Variants in CCDC171 observed in about 807,000 individuals in gnomAD.
CCDC171 encodes coiled-coil domain-containing protein 171.
In CCDC171, 177 loss-of-function variants were observed where a neutral mutation model predicts 168.2. The ratio of observed to expected loss-of-function variants is 1.05; its 90% CI spans 0.93 to 1.19. The LOEUF is 1.19. Ranked by LOEUF, CCDC171 falls within the 50% of genes most tolerant of loss-of-function variation. CCDC171 has a pLI of 0.00. For synonymous variants in CCDC171, 687 were observed against 540.8 expected, an observed-to-expected ratio of 1.27 and a Z score of -3.75; for missense variants, 1,991 against 1,539.0, an observed-to-expected ratio of 1.29 and a Z score of -4.91.
chr9:15,684,369 T>C (rs975535879), intron 10 of CCDC171, among the ~76,000 whole-genome samples: 5 of 152,094 alleles, frequency 3.3e-5, no homozygotes, highest in African/African-American at 9.7e-5. Context: ...AAAGGCTTTT[T>C]TTAAACCTGT....
chr9:16,054,273 G>T (rs1833797985), intron 1 of CCDC171, among the ~76,000 whole-genome samples: 1 of 152,170 alleles, frequency 6.6e-6, no homozygotes, highest in South Asian at 2.1e-4. Context: ...CTAATTAGTA[G>T]GGGGAAAGAT....
At chr9:15,693,675 A>G (rs1268819632) in intron 10 of CCDC171, among the ~76,000 whole-genome samples, 1 of 152,242 alleles carries the variant, frequency 6.6e-6, no homozygotes, top group Non-Finnish European at 1.5e-5. Context: ...GTAAACAAAC[A>G]TCAATTAATT....
intron 6 of CCDC171, among the ~76,000 whole-genome samples, chr9:15,609,445 T>C (rs2043490174): frequency 1.3e-5 from 2 of 152,182 alleles, no homozygotes; most frequent in African/African-American, 4.8e-5. Context: ...TTTATCAGTA[T>C]ATTTTTTTAT....
intron 24 of CCDC171, among the ~76,000 whole-genome samples, chr9:15,902,774 C>A (rs1200160888): frequency 6.6e-6 from 1 of 152,186 alleles, no homozygotes; most frequent in East Asian, 1.9e-4. Flanking sequence ...AGGGAATTCC[C>A]TTTCCTAGTC....
chr9:15,887,538 A>G (rs147401294), intron 24 of CCDC171, among the ~76,000 whole-genome samples: 1 of 152,244 alleles, frequency 6.6e-6, no homozygotes, highest in African/African-American at 2.4e-5. Context: ...GTGAACAGCA[A>G]TTCATGAGTT....
intron 6 of CCDC171, among the ~76,000 whole-genome samples, chr9:15,613,352 G>C (rs575503350): frequency 1.3e-5 from 2 of 152,054 alleles, no homozygotes; most frequent in South Asian, 4.2e-4. Flanking sequence ...TAGGTTAATT[G>C]ATATAAATGA....
At chr9:15,936,799 C>G (rs969854290) in intron 25 of CCDC171, among the ~76,000 whole-genome samples, 16 of 151,950 alleles carry the variant, frequency 1.1e-4, no homozygotes, top group African/African-American at 3.6e-4. Flanking sequence ...TGATTTAGGC[C>G]TCAAGATTCC....
chr9:15,763,831 G>A (rs1439476405), intron 18 of CCDC171, among the ~76,000 whole-genome samples: 1 of 152,116 alleles, frequency 6.6e-6, no homozygotes, highest in Non-Finnish European at 1.5e-5. Flanking sequence ...GGGCATTAGA[G>A]TTGTTTCTAC....
At chr9:15,665,004 C>G (rs1043600155) in intron 8 of CCDC171, among the ~76,000 whole-genome samples, 10 of 152,222 alleles carry the variant, frequency 6.6e-5, no homozygotes, top group African/African-American at 2.2e-4. Flanking sequence ...CAAGTATATG[C>G]AAAAGTAAAA....
At chr9:16,008,533 C>G (rs1408184721) in intron 3 of CCDC171, among the ~76,000 whole-genome samples, 1 of 152,142 alleles carries the variant, frequency 6.6e-6, no homozygotes, top group Non-Finnish European at 1.5e-5. Context: ...TTCTGAGAGT[C>G]CCCTGGAAAT....
At chr9:15,958,516 G>GCATTATATTATATTATATTA (rs1830028156) in intron 25 of CCDC171, among the ~76,000 whole-genome samples, 1 of 136,674 alleles carries the variant, frequency 7.3e-6, no homozygotes, top group African/African-American at 2.8e-5. Context: ...CGGAGGTGAG[G>GCATTATATTATATTATATTA]TATTATATTA....
intron 11 of CCDC171, among the ~76,000 whole-genome samples, chr9:15,717,646 C>T (rs2053178173): frequency 6.6e-6 from 1 of 152,198 alleles, no homozygotes. Flanking sequence ...ACCAGCTTAG[C>T]CACAGAAGGA....
chr9:15,913,072 T>A (rs575206299), intron 24 of CCDC171, among the ~76,000 whole-genome samples: 5 of 152,222 alleles, frequency 3.3e-5, no homozygotes, highest in Middle Eastern at 3.4e-3. Context: ...TAGGGAGGAG[T>A]TCCTCTTTTT....
chr9:15,598,123 A>G (rs1435945177), intron 6 of CCDC171, among the ~76,000 whole-genome samples: 12 of 151,978 alleles, frequency 7.9e-5, no homozygotes, highest in Non-Finnish European at 2.9e-5. Flanking sequence ...TGATTTTTTG[A>G]AGGGTTTTTT....
chr9:16,078,720 C>G, the CCDC171 span, among the ~76,000 whole-genome samples: 1 of 152,166 alleles, frequency 6.6e-6, no homozygotes, highest in African/African-American at 2.4e-5. Context: ...AGGATAAAAG[C>G]TTCACCTCTC....
the CCDC171 span, among the ~76,000 whole-genome samples, chr9:16,073,308 G>A: frequency 6.6e-6 from 1 of 152,112 alleles, no homozygotes; most frequent in Non-Finnish European, 1.5e-5. Flanking sequence ...GACAATTTGG[G>A]GTTAGACACA....
At chr9:15,596,959 T>G (rs940390729) in intron 6 of CCDC171, among the ~76,000 whole-genome samples, 1 of 152,156 alleles carries the variant, frequency 6.6e-6, no homozygotes, top group Non-Finnish European at 1.5e-5. Flanking sequence ...CTGTTATTGG[T>G]GTATAAGAAT....
At chr9:15,748,159 G>T (rs2055435218) in intron 18 of CCDC171, among the ~76,000 whole-genome samples, 1 of 152,108 alleles carries the variant, frequency 6.6e-6, no homozygotes, top group Non-Finnish European at 1.5e-5. Flanking sequence ...AACACAGCAT[G>T]AGAAATTCAT....
At chr9:15,704,232 T>C (rs2052031091) in intron 11 of CCDC171, among the ~76,000 whole-genome samples, 1 of 152,216 alleles carries the variant, frequency 6.6e-6, no homozygotes, top group East Asian at 1.9e-4. Context: ...TGTAACAAAA[T>C]TAATTCATTA....
Sources: gnomAD v4.1 joint callset for allele counts (sites outside exome capture counted in the v4.1 genomes callset) on GRCh38, gnomAD v4.1.1 for gene constraint, MANE v1.5 for transcripts, NCBI Gene and HGNC (gene_info 2026-07-23, HGNC 2026-07-21) for gene names.